Variants in MAFK observed in about 807,000 individuals in gnomAD.
MAFK encodes transcription factor MafK.
MAFK carries 1 observed loss-of-function variant against 9.2 expected under a neutral mutation model. The observed-to-expected ratio is 0.11, with a 90% confidence interval of 0.04 to 0.52. The LOEUF (loss-of-function observed/expected upper bound fraction) is 0.52. Ranked by LOEUF, MAFK falls within the 20% of genes least tolerant of loss-of-function variation. MAFK has a pLI of 0.94. For synonymous variants in MAFK, 110 were observed against 107.4 expected, an observed-to-expected ratio of 1.02 and a Z score of -0.15; for missense variants, 207 against 236.0, an observed-to-expected ratio of 0.88 and a Z score of 0.81.
intron 1 of MAFK, chr7:1,537,303 T>G: frequency 1.1e-6 from 1 of 890,244 alleles, no homozygotes; most frequent in Non-Finnish European, 1.3e-6. Flanking sequence ...GAGCGGGTCC[T>G]TGCTGGGTGG....
At chr7:1,536,995 C>T (rs1040492587) in intron 1 of MAFK, among the ~76,000 whole-genome samples, 58 of 152,150 alleles carry the variant, frequency 3.8e-4, no homozygotes, top group African/African-American at 1.3e-3. Context: ...AGGTGTGCCT[C>T]GAAGTACTGG....
Position 1,540,247 on chromosome 7 carries a change from C to T in MAFK, c.343C>T (p.Gln115Ter), listed in dbSNP as rs1784142976. 2 of 1,608,618 alleles carry T rather than the reference C, an allele frequency of 1.2e-6. No homozygotes were observed. The highest frequency in any genetic ancestry group is 1.3e-5 in the African/African-American group (1 of 74,788). The change falls in exon 3 of 3, where the codon CAG (glutamine) becomes TAG (stop). Residue 115 changes from glutamine (Q) to a stop codon, truncating the protein, a stop_gained. Transcript: ENST00000343242. LOFTEE classifies it high-confidence loss of function. ...CCTGCGCTCCAAGTACGAGGCGCTG[C>T]AGACCTTCGCGCGCACCGTGGCCCG... ...DALRSKYEALQTFARTVARGP... is the reference protein window; with the variant it reads ...DALRSKYEAL
In MAFK at chr7:1,534,767, A is replaced by G. The variant is rs4720833; in HGVS notation, c.-45+3869A>G. On this transcript the variant is annotated intron_variant, in intron 1 of 2. Transcript: ENST00000343242. This position sits in a 1 kb window ranked among gnomAD's most constrained non-coding sequence, Gnocchi z 4.3. ...ATGCTGGCCTCGTAGAGCGAGCGGC[A>G]GCCCCGATGCGTCCTCTCATCTGGG... The G allele has an allele frequency of 0.62, 244,662 of 393,588 alleles. 77,314 individuals carry two copies. Among genetic ancestry groups the G allele is most frequent in the African/African-American group, 0.77 (37,420 of 48,452 alleles). The allele number at this position is 393,588 out of a possible 1,614,324, so 24.4% of individuals were successfully genotyped here.
At chr7:1,537,298 G>T (rs1302764838) in intron 1 of MAFK, 3 of 842,592 alleles carry the variant, frequency 3.6e-6, no homozygotes, top group Non-Finnish European at 1.4e-6. Flanking sequence ...CCCAGGAGCG[G>T]GTCCTTGCTG....
intron 1 of MAFK, chr7:1,537,268 G>A (rs1784053547): frequency 1.8e-6 from 1 of 540,928 alleles, no homozygotes; most frequent in African/African-American, 2.1e-5. Flanking sequence ...TGCTGCCACG[G>A]CGGGCAGTGG....
chr7:1,533,019 A>G (rs891753563), intron 1 of MAFK, among the ~76,000 whole-genome samples: 4 of 152,156 alleles, frequency 2.6e-5, no homozygotes, highest in African/African-American at 9.7e-5. Flanking sequence ...CAGACTCGTC[A>G]TGTTTCCGCT....
chr7:1,537,128 G>A (rs1389051607), intron 1 of MAFK, among the ~76,000 whole-genome samples: 2 of 152,360 alleles, frequency 1.3e-5, no homozygotes, highest in African/African-American at 2.4e-5. Context: ...ACAGGGCATC[G>A]CGGAGGCATC....
At chr7:1,531,691 GTC>G (rs1417774118) in intron 1 of MAFK, among the ~76,000 whole-genome samples, 3 of 152,164 alleles carry the variant, frequency 2.0e-5, no homozygotes, top group African/African-American at 7.2e-5. Flanking sequence ...GACTGTGTGT[GTC>G]TGCGTCTGCA....
rs191478778 is a variant in MAFK at position 1,535,922 on chromosome 7, G to C, written c.-44-3227G>C. On this transcript the variant is annotated intron_variant, in intron 1 of 2. Coordinates refer to ENST00000343242, the MANE Select transcript of MAFK (RefSeq NM_002360.4). ...CCGTCACTCATCCCCAGCTGCAGCC[G>C]CAGGAATTGCCTCTGTCTGAGGCTG... 1.3e-3 allele frequency among the ~76,000 whole-genome samples: 196 copies of C among 152,350 alleles called. 1 individual carries two copies. Among genetic ancestry groups the C allele is most frequent in the African/African-American group, 4.3e-3 (180 of 41,586 alleles).
chr7:1,536,899 TG>T (rs911185719), intron 1 of MAFK, among the ~76,000 whole-genome samples: 10 of 151,920 alleles, frequency 6.6e-5, no homozygotes, highest in Non-Finnish European at 1.3e-4. Context: ...CCCAAGGAGG[TG>T]GGGGGCAGGC....
intron 1 of MAFK, among the ~76,000 whole-genome samples, chr7:1,536,679 C>G (rs1308585625): frequency 6.6e-6 from 1 of 152,274 alleles, no homozygotes; most frequent in Non-Finnish European, 1.5e-5. Flanking sequence ...AAGCTGTCAT[C>G]TTTCTTGCCT....
chr7:1,536,483 C>T (rs898485088), intron 1 of MAFK, among the ~76,000 whole-genome samples: 1 of 152,222 alleles, frequency 6.6e-6, no homozygotes, highest in African/African-American at 2.4e-5. Flanking sequence ...CTGGATGACA[C>T]CCTAAGGCTG....
chr7:1,531,364 G>A (rs1353281122), intron 1 of MAFK, among the ~76,000 whole-genome samples: 3 of 152,030 alleles, frequency 2.0e-5, no homozygotes, highest in Non-Finnish European at 2.9e-5. Flanking sequence ...TGCGGCCCCG[G>A]ACTGCCCCCC....
rs959718586 is a variant in MAFK, at chr7:1,532,919, C to T, written c.-45+2021C>T. On this transcript the variant is annotated intron_variant, in intron 1 of 2. Transcript: ENST00000343242. This position sits in a 1 kb window ranked among gnomAD's most constrained non-coding sequence, Gnocchi z 4.5. ...CGTGTGGCCGCCTTTCAACAGTAAACAGTGACTCACCGCTCCGTCCCCACC... is the reference window on the plus strand; with the variant it reads ...CGTGTGGCCGCCTTTCAACAGTAAATAGTGACTCACCGCTCCGTCCCCACC... 6.6e-6 allele frequency among the ~76,000 whole-genome samples: 1 copy of T among 152,174 alleles called. No homozygotes were observed. The highest frequency in any genetic ancestry group is 2.4e-5 in the African/African-American group (1 of 41,432).
intron 1 of MAFK, among the ~76,000 whole-genome samples, chr7:1,535,675 A>C (rs1437706742): frequency 5.9e-5 from 9 of 152,324 alleles, no homozygotes; most frequent in African/African-American, 2.2e-4. Flanking sequence ...AAGGGAAAAC[A>C]TGATCCTCCA....
intron 1 of MAFK, chr7:1,538,424 T>A: frequency 1.0e-6 from 1 of 968,036 alleles, no homozygotes; most frequent in Non-Finnish European, 1.2e-6. Flanking sequence ...TAGGTGGAGG[T>A]GGTGATGTCA....
At chr7:1,535,597 C>G (rs1784007933) in intron 1 of MAFK, among the ~76,000 whole-genome samples, 1 of 152,218 alleles carries the variant, frequency 6.6e-6, no homozygotes, top group South Asian at 2.1e-4. Context: ...CTGCAGTGAG[C>G]TGTGATTTCA....
In MAFK at chr7:1,540,221, C is replaced by G; in HGVS notation, c.317C>G (p.Ala106Gly). The change falls in exon 3 of 3, where the codon GCC becomes GGC. Residue 106 changes from alanine (A) to glycine (G), a missense_variant. Ala to Gly is a moderately conservative substitution (Grantham distance 60, BLOSUM62 0). Coordinates refer to ENST00000343242, the MANE Select transcript of MAFK (RefSeq NM_002360.4). ...AGCAGCATGCGGCTGGAGCTGGACG[C>G]CCTGCGCTCCAAGTACGAGGCGCTG... ...ENSSMRLELDALRSKYEALQT... is the reference protein window; with the variant it reads ...ENSSMRLELDGLRSKYEALQT... The G allele has an allele frequency of 6.2e-7, 1 of 1,600,572 alleles. No homozygotes were observed. Among genetic ancestry groups the G allele is most frequent in the Non-Finnish European group, 8.5e-7 (1 of 1,174,668 alleles).
In MAFK at chr7:1,532,708, G is replaced by T. The variant is rs1340152577; in HGVS notation, c.-45+1810G>T. On this transcript the variant is annotated intron_variant, in intron 1 of 2. Transcript: ENST00000343242. The surrounding 1 kb of genome is among the most constrained non-coding windows in gnomAD (Gnocchi z 4.5). ...CTACAAGGCGTGTGCTTTCACCCAC[G>T]GGGCTCAGCGATGGCTGCGTTTGTT... Among the ~76,000 whole-genome samples, 1 of 152,218 alleles carries T rather than the reference G, an allele frequency of 6.6e-6. No individual in the cohort carries two copies. The highest frequency in any genetic ancestry group is 1.9e-4 in the East Asian group (1 of 5,194).
Sources: allele counts gnomAD v4.1 joint callset (sites outside exome capture counted in the v4.1 genomes callset), GRCh38; gene constraint gnomAD v4.1.1; non-coding constraint Gnocchi (gnomAD v3.1); transcripts MANE v1.5; gene names NCBI Gene and HGNC (gene_info 2026-07-23, HGNC 2026-07-21).